The following CHD9 variants were observed in gnomAD, a reference collection of about 807,000 sequenced individuals.
CHD9 encodes the protein ATP-dependent chromatin remodeler CHD9.
In CHD9, 77 loss-of-function variants were observed where a neutral mutation model predicts 316.1. That is an observed-to-expected ratio of 0.24 (90% CI 0.20 to 0.29). The LOEUF (loss-of-function observed/expected upper bound fraction) is 0.29, where lower values mean the gene tolerates loss of function less well. Among genes scored for constraint, CHD9 ranks in the 10% least tolerant of loss-of-function variants. The pLI is 1.00. For synonymous variants in CHD9, 1,129 were observed against 1,158.3 expected, an observed-to-expected ratio of 0.97 and a Z score of 0.51; for missense variants, 2,763 against 3,438.1, an observed-to-expected ratio of 0.80 and a Z score of 4.91.
intron 19 of CHD9, among the ~76,000 whole-genome samples, chr16:53,259,927 A>G (rs1397349056): frequency 1.3e-5 from 2 of 152,230 alleles, no homozygotes; most frequent in African/African-American, 2.4e-5. Context: ...ATAAAACCCT[A>G]TGAATGTCAT....
chr16:53,245,892 C>G lies in CHD9; in HGVS notation c.3454+42C>G, dbSNP rs1222251258. 2 of 1,340,488 alleles carry G rather than the reference C, an allele frequency of 1.5e-6. No homozygotes were observed. Among genetic ancestry groups the G allele is most frequent in the East Asian group, 5.0e-5 (2 of 40,114 alleles). The allele number at this position is 1,340,488 out of a possible 1,614,324, so 83.0% of individuals were successfully genotyped here. ...ACAACAAATATGTTTTTTCTTGCAA[C>G]AAATACTAATGAATAAATAAACAGA... On this transcript the variant is annotated intron_variant, in intron 15 of 38. Transcript: ENST00000447540. The surrounding 1 kb of genome is among the most constrained non-coding windows in gnomAD (Gnocchi z 4.1).
intron 17 of CHD9, among the ~76,000 whole-genome samples, chr16:53,254,236 T>C (rs1324323541): frequency 6.6e-6 from 1 of 152,174 alleles, no homozygotes; most frequent in Admixed American, 6.6e-5. Flanking sequence ...TTTAAGCTTA[T>C]AAACCTAAAT....
intron 3 of CHD9, among the ~76,000 whole-genome samples, chr16:53,210,553 A>C (rs2046249822): frequency 6.6e-6 from 1 of 152,236 alleles, no homozygotes; most frequent in South Asian, 2.1e-4. Context: ...TTTGCTTAGC[A>C]TGCAAGGGTA....
intron 2 of CHD9, among the ~76,000 whole-genome samples, chr16:53,204,023 C>CAAAAAAA (rs530552464): frequency 1.7e-4 from 8 of 48,342 alleles, no homozygotes; most frequent in African/African-American, 6.0e-4. Flanking sequence ...GACTCCATCT[C>CAAAAAAA]AAAAAAAAAA....
At chr16:53,286,699 A>G (rs2050349644) in intron 26 of CHD9, among the ~76,000 whole-genome samples, 2 of 152,054 alleles carry the variant, frequency 1.3e-5, no homozygotes, top group African/African-American at 4.8e-5. Context: ...GTCATCCCTC[A>G]ATATCCATGG....
chr16:53,180,588 T>C (rs1293821707), intron 2 of CHD9, among the ~76,000 whole-genome samples: 5 of 152,220 alleles, frequency 3.3e-5, no homozygotes, highest in African/African-American at 1.2e-4. Flanking sequence ...TTCAGCACTG[T>C]GGATTTCTTA....
chr16:53,231,323 C>A, intron 8 of CHD9, 96 bp from the exon 9 acceptor site: 2 of 596,140 alleles, frequency 3.4e-6, no homozygotes, highest in South Asian at 2.6e-5. Flanking sequence ...TGAAATCAAA[C>A]TTACAAGGTC....
In CHD9 at chr16:53,214,175, G is replaced by A. The variant is rs1035763428; in HGVS notation, c.1784+4362G>A. ...TCATATATATGTACATACATGCATAGGTGTGTATTTTTAACAAAACTAGCA... is the reference window on the plus strand; with the variant it reads ...TCATATATATGTACATACATGCATAAGTGTGTATTTTTAACAAAACTAGCA... On this transcript the variant is annotated intron_variant, in intron 3 of 38. Transcript: ENST00000447540. 9.9e-5 allele frequency among the ~76,000 whole-genome samples: 15 copies of A among 152,010 alleles called. 1 individual carries two copies. Among genetic ancestry groups the A allele is most frequent in the African/African-American group, 2.4e-5 (1 of 41,398 alleles).
At chr16:53,236,939 C>A (rs2048683723) in intron 11 of CHD9, among the ~76,000 whole-genome samples, 2 of 151,824 alleles carry the variant, frequency 1.3e-5, no homozygotes, top group African/African-American at 2.4e-5. Flanking sequence ...TACATTTGTT[C>A]TCCCTAAGCC....
chr16:53,148,899 C>G (rs2040860247), intron 1 of CHD9, among the ~76,000 whole-genome samples: 1 of 152,182 alleles, frequency 6.6e-6, no homozygotes. Flanking sequence ...TAGTTGTTCA[C>G]AGGTATAACT....
intron 1 of CHD9, among the ~76,000 whole-genome samples, chr16:53,150,054 C>G (rs943020929): frequency 4.6e-5 from 7 of 151,980 alleles, no homozygotes; most frequent in African/African-American, 1.7e-4. Context: ...TTTATCCATT[C>G]TGCTAATCTT....
chr16:53,248,331 G>C (rs551178232), intron 16 of CHD9, among the ~76,000 whole-genome samples: 3 of 116,710 alleles, frequency 2.6e-5, no homozygotes, highest in East Asian at 5.1e-4. Context: ...GCGAAACTCT[G>C]TCTCAAAAAA....
chr16:53,268,604 T>C (rs1489931696), intron 22 of CHD9, among the ~76,000 whole-genome samples: 1 of 152,170 alleles, frequency 6.6e-6, no homozygotes, highest in African/African-American at 2.4e-5. Context: ...GTATAGCTTA[T>C]ATACATCTTT....
Position 53,293,059 on chromosome 16 carries a change from C to T in CHD9, c.5510+7C>T. 1.3e-6 allele frequency: 2 copies of T among 1,598,844 alleles called. No individual in the cohort carries two copies. The highest frequency in any genetic ancestry group is 1.7e-6 in the Non-Finnish European group (2 of 1,170,164). ...AGATAGAAAGACAGCAAAGGTAAGA[C>T]AATAACACTAAATTTTTAATGTATT... On this transcript the variant is annotated splice_region_variant and intron_variant, in intron 29 of 38. Coordinates refer to ENST00000447540, the MANE Select transcript of CHD9 (RefSeq NM_001308319.2).
chr16:53,178,273 T>C (rs936786664), intron 2 of CHD9, among the ~76,000 whole-genome samples: 1 of 152,114 alleles, frequency 6.6e-6, no homozygotes, highest in Non-Finnish European at 1.5e-5. Flanking sequence ...GTGACACAGA[T>C]TTGTGAAGTT....
intron 4 of CHD9, among the ~76,000 whole-genome samples, chr16:53,224,890 G>C (rs1295427156): frequency 6.6e-6 from 1 of 152,038 alleles, no homozygotes; most frequent in Admixed American, 6.6e-5. Flanking sequence ...TTCAAAATAG[G>C]ATGAAGGAAA....
At chr16:53,091,005 C>CCA (rs2035891343) in intron 1 of CHD9, among the ~76,000 whole-genome samples, 1 of 151,756 alleles carries the variant, frequency 6.6e-6, no homozygotes, top group Admixed American at 6.6e-5. Context: ...CAGCTCACCC[C>CCA]CCCCCGACTG....
At chr16:53,130,695 G>A (rs571491288) in intron 1 of CHD9, among the ~76,000 whole-genome samples, 2 of 151,530 alleles carry the variant, frequency 1.3e-5, no homozygotes, top group Non-Finnish European at 3.0e-5. Context: ...CCATGTTGGA[G>A]CGGAGCAACG....
intron 1 of CHD9, among the ~76,000 whole-genome samples, chr16:53,110,414 T>C (rs1235376021): frequency 3.9e-5 from 6 of 152,088 alleles, no homozygotes; most frequent in Non-Finnish European, 7.4e-5. Context: ...CTGGGCAACA[T>C]AGTGAGACTC....
Sources: gnomAD v4.1 joint callset for allele counts (sites outside exome capture counted in the v4.1 genomes callset) on GRCh38, gnomAD v4.1.1 for gene constraint, Gnocchi (gnomAD v3.1) non-coding constraint, MANE v1.5 for transcripts, NCBI Gene and HGNC (gene_info 2026-07-23, HGNC 2026-07-21) for gene names.